Variants in FBXL18 observed in about 807,000 individuals in gnomAD.
The protein encoded by FBXL18 is F-box and leucine rich repeat protein 18.
In FBXL18, 36 loss-of-function variants were observed where a neutral mutation model predicts 46.0. The ratio of observed to expected loss-of-function variants is 0.78; its 90% CI spans 0.60 to 1.03. FBXL18 has a LOEUF of 1.03. FBXL18 is among the 50% of genes least tolerant of loss of function. FBXL18 has a pLI of 0.00. For synonymous variants in FBXL18, 557 were observed against 465.3 expected, an observed-to-expected ratio of 1.20 and a Z score of -2.54; for missense variants, 977 against 1,004.1, an observed-to-expected ratio of 0.97 and a Z score of 0.36.
chr7:5,462,436 C>T (rs1048926643), intron 4 of FBXL18, among the ~76,000 whole-genome samples: 1 of 152,136 alleles, frequency 6.6e-6, no homozygotes, highest in Non-Finnish European at 1.5e-5. Context: ...TTCCTTTTTA[C>T]ATAAAATTAC....
rs1584217794 is a variant in FBXL18, at chr7:5,491,338, A to T, written c.1893T>A (p.Asp631Glu). 1 of 1,611,928 alleles carries T rather than the reference A, an allele frequency of 6.2e-7. No homozygotes were observed. The highest frequency in any genetic ancestry group is 2.2e-5 in the East Asian group (1 of 44,846). Residue 631 changes from aspartate to glutamate, a missense_variant, in exon 4 of 5, where the codon GAT becomes GAA. Coordinates refer to ENST00000382368, the MANE Select transcript of FBXL18 (RefSeq NM_024963.6). ...AGCGAGCCATGAAGGCCAGCACGGC[A>T]TCGGGCTGGAGGGTGCCGCTGCGAG... ...LVSRSGTLQP[D>E]AVLAFMARCL...
downstream of FBXL18, among the ~76,000 whole-genome samples, chr7:5,475,516 C>A (rs1286023758): frequency 6.6e-6 from 1 of 152,146 alleles, no homozygotes; most frequent in African/African-American, 2.4e-5. This position sits in a 1 kb window ranked among gnomAD's most constrained non-coding sequence, Gnocchi z 4.2. Context: ...CTGCTCCCTG[C>A]CAGGCCCATC....
intron 4 of FBXL18, among the ~76,000 whole-genome samples, chr7:5,467,911 G>C (rs1367416574): frequency 4.0e-5 from 6 of 151,870 alleles, no homozygotes; most frequent in Non-Finnish European, 8.8e-5. Context: ...AATGATGGAG[G>C]AACCCAAGAG....
In FBXL18 at chr7:5,496,744, G is replaced by A. The variant is rs1262224332; in HGVS notation, c.1781+3744C>T. Among the ~76,000 whole-genome samples, 7 of 152,182 alleles carry A rather than the reference G, an allele frequency of 4.6e-5. No homozygotes were observed. The highest frequency in any genetic ancestry group is 1.4e-4 in the African/African-American group (6 of 41,424). On this transcript the variant is annotated intron_variant, in intron 3 of 4. Coordinates refer to ENST00000382368, the MANE Select transcript of FBXL18 (RefSeq NM_024963.6). The surrounding 1 kb of genome is among the most constrained non-coding windows in gnomAD (Gnocchi z 4.8). ...AAAAAATACAAAAAACTAGCCAGGC[G>A]GCCGGGCACAGTGGCTTACGCCTGT...
At chr7:5,471,977 C>T (rs540052259), downstream of FBXL18, among the ~76,000 whole-genome samples, 3 of 152,256 alleles carry the variant, frequency 2.0e-5, no homozygotes, top group African/African-American at 4.8e-5. Context: ...AGTCCCACCT[C>T]CTCGGGAGGC....
At chr7:5,454,632 G>A (rs972153971) in intron 4 of FBXL18, among the ~76,000 whole-genome samples, 1 of 152,166 alleles carries the variant, frequency 6.6e-6, no homozygotes, top group African/African-American at 2.4e-5. Context: ...TGAGTGAAAA[G>A]AAAGAACCTC....
At chr7:5,513,613 G>A (rs984539186) in intron 1 of FBXL18, 44 bp downstream of exon 1, 15 of 1,608,978 alleles carry the variant, frequency 9.3e-6, no homozygotes, top group African/African-American at 1.3e-5. Flanking sequence ...GGGAGACCGA[G>A]GCCGCCGAGG....
At position 5,463,748 on chromosome 7, in the gene FBXL18, T is replaced by A. The variant is rs1360735816; in HGVS notation, c.2001-15905A>T. Among the ~76,000 whole-genome samples the A allele has an allele frequency of 5.2e-5, 5 of 95,922 alleles. 1 individual carries two copies. Among genetic ancestry groups the A allele is most frequent in the African/African-American group, 1.7e-4 (4 of 23,572 alleles). 62.9% of individuals were successfully genotyped at this position (95,922 alleles called of 152,430 possible). On this transcript the variant is annotated intron_variant and NMD_transcript_variant, in intron 4 of 6. Coordinates refer to the FBXL18 transcript ENST00000415009. ...TATTTATTTTTTTTTTTTTTTTTTT[T>A]TTTTTTTTTTGAGACGGAGTCTCGC...
chr7:5,495,777 C>A, intron 3 of FBXL18: 1 of 472,254 alleles, frequency 2.1e-6, no homozygotes, highest in South Asian at 1.5e-5. Context: ...ACTGCAGCGT[C>A]CGGGCTCCCT....
chr7:5,470,738 C>G (rs1783415896), intron 4 of FBXL18, among the ~76,000 whole-genome samples: 1 of 148,652 alleles, frequency 6.7e-6, no homozygotes, highest in Admixed American at 6.7e-5. Context: ...GAGATGTCCA[C>G]TTCCTGAGCT....
At chr7:5,508,190 C>T (rs555907820) in intron 1 of FBXL18, among the ~76,000 whole-genome samples, 4 of 151,634 alleles carry the variant, frequency 2.6e-5, no homozygotes, top group East Asian at 3.9e-4. Flanking sequence ...CACTTGAAAC[C>T]GGGATGTGGA....
intron 4 of FBXL18, among the ~76,000 whole-genome samples, chr7:5,465,189 T>C (rs950557874): frequency 6.6e-6 from 1 of 152,168 alleles, no homozygotes; most frequent in East Asian, 1.9e-4. Flanking sequence ...ACCAGATCTA[T>C]GATAGGTACG....
In FBXL18 at chr7:5,491,255, C is replaced by T. The variant is rs781773183; in HGVS notation, c.1976G>A (p.Ser659Asn). ...FTGESLATCKSLQQSLLRSFQ... is the reference protein window; with the variant it reads ...FTGESLATCKNLQQSLLRSFQ... ...CCTGCGGAGAAGCGACTGCTGCAGGCTCTTGCAGGTGGCGAGGGACTCCCC... is the reference window on the plus strand; with the variant it reads ...CCTGCGGAGAAGCGACTGCTGCAGGTTCTTGCAGGTGGCGAGGGACTCCCC... The change falls in exon 4 of 5, where the codon AGC becomes AAC. Residue 659 changes from serine to asparagine, a missense_variant. By Grantham distance (46) the Ser-to-Asn change is conservative. Transcript: ENST00000382368. 4.3e-6 allele frequency: 7 copies of T among 1,612,922 alleles called. No individual in the cohort carries two copies. The East Asian group carries it at 1.6e-4, about 36-fold the overall frequency.
chr7:5,455,742 C>A lies in FBXL18; in HGVS notation c.2001-7899G>T, dbSNP rs970843533. On this transcript the variant is annotated intron_variant and NMD_transcript_variant, in intron 4 of 6. Coordinates refer to the FBXL18 transcript ENST00000415009. This position sits in a 1 kb window ranked among gnomAD's most constrained non-coding sequence, Gnocchi z 4.6. ...ATGTCCCTAGATGGTGCCTCCCCCC[C>A]ACCCCCACTACACACACACAAACAC... 6.7e-6 allele frequency among the ~76,000 whole-genome samples: 1 copy of A among 149,998 alleles called. No individual in the cohort carries two copies. Among genetic ancestry groups the A allele is most frequent in the African/African-American group, 2.5e-5 (1 of 40,346 alleles).
At chr7:5,504,088 C>T (rs943517230) in intron 2 of FBXL18, among the ~76,000 whole-genome samples, 15 of 151,746 alleles carry the variant, frequency 9.9e-5, no homozygotes, top group African/African-American at 3.4e-4. Context: ...ACCAGCGTTG[C>T]AGGGAGCACA....
chr7:5,460,746 C>T (rs1783232308), intron 4 of FBXL18, among the ~76,000 whole-genome samples: 1 of 152,212 alleles, frequency 6.6e-6, no homozygotes, highest in African/African-American at 2.4e-5. Flanking sequence ...AGCCACCATG[C>T]CCAGACTCAG....
At position 5,501,605 on chromosome 7, in the gene FBXL18, TC is replaced by T; in HGVS notation, c.663del (p.Ser222AlafsTer81). The part of the protein sequence containing the change: ...AILSGQLMVG[Q>X]SNVPHYQNLR... ...AGGTTCTGGTAGTGCGGCACGTTGC[TC>T]TGGCCCACCATAAGCTGGCCCGAGA... On this transcript the variant is annotated frameshift_variant, in exon 3 of 5. Transcript: ENST00000382368. LOFTEE classifies it high-confidence loss of function. 6.2e-7 allele frequency: 1 copy of T among 1,613,830 alleles called. No homozygotes were observed. Among genetic ancestry groups the T allele is most frequent in the Non-Finnish European group, 8.5e-7 (1 of 1,179,994 alleles).
intron 4 of FBXL18, among the ~76,000 whole-genome samples, chr7:5,469,480 T>A (rs1044157790): frequency 6.6e-6 from 1 of 152,088 alleles, no homozygotes; most frequent in Non-Finnish European, 1.5e-5. Flanking sequence ...CACGGGCATG[T>A]GTGTGTAAAT....
At chr7:5,472,908 C>A (rs899508938), downstream of FBXL18, among the ~76,000 whole-genome samples, 1 of 152,098 alleles carries the variant, frequency 6.6e-6, no homozygotes, top group Non-Finnish European at 1.5e-5. Flanking sequence ...TCAGCCTTGG[C>A]GCTCCTCTCC....
Sources: gnomAD v4.1 joint callset for allele counts (sites outside exome capture counted in the v4.1 genomes callset) on GRCh38, gnomAD v4.1.1 for gene constraint, Gnocchi (gnomAD v3.1) non-coding constraint, MANE v1.5 for transcripts, NCBI Gene and HGNC (gene_info 2026-07-23, HGNC 2026-07-21) for gene names.